ITGA8: variants seen among roughly 807,000 people sequenced by gnomAD.
ITGA8 encodes the protein integrin alpha-8.
A neutral mutation model predicts 142.3 loss-of-function variants in ITGA8; 91 were observed. That is an observed-to-expected ratio of 0.64 (90% confidence interval 0.54 to 0.76). The LOEUF is 0.76. ITGA8 is among the 30% of genes least tolerant of loss of function. ITGA8 has a pLI of 0.00. For missense variants in ITGA8, 1,406 were observed against 1,327.7 expected (o/e 1.06, Z -0.92); for synonymous variants, 505 against 485.2 (o/e 1.04, Z -0.54).
chr10:15,562,982 T>C (rs1182502055), intron 25 of ITGA8, among the ~76,000 whole-genome samples: 5 of 152,194 alleles, frequency 3.3e-5, no homozygotes, highest in African/African-American at 1.2e-4. Context: ...GGCCATCCCA[T>C]TGGCGCTAAG....
At chr10:15,536,632 C>T (rs1166391896) in intron 27 of ITGA8, among the ~76,000 whole-genome samples, 1 of 152,208 alleles carries the variant, frequency 6.6e-6, no homozygotes, top group Non-Finnish European at 1.5e-5. Context: ...GGATTGAAAA[C>T]CCAGCTGGGG....
chr10:15,530,921 T>C (rs563943892), intron 28 of ITGA8, 129 bp downstream of exon 28: 8 of 547,610 alleles, frequency 1.5e-5, no homozygotes, highest in African/African-American at 6.0e-5. Flanking sequence ...ATGTAAGAAA[T>C]TGGTGAGCTG....
intron 25 of ITGA8, among the ~76,000 whole-genome samples, chr10:15,559,252 A>G (rs1564351297): frequency 6.6e-6 from 1 of 152,064 alleles, no homozygotes; most frequent in East Asian, 1.9e-4. Flanking sequence ...CTGACCAAGA[A>G]CCCAAGGTCC....
At chr10:15,603,327 CA>C (rs1027582218) in intron 20 of ITGA8, among the ~76,000 whole-genome samples, 1 of 152,088 alleles carries the variant, frequency 6.6e-6, no homozygotes, top group African/African-American at 2.4e-5. Context: ...ACAAGGTCCT[CA>C]GGGGGTGTGG....
In ITGA8 at chr10:15,671,660, A is replaced by C; in HGVS notation, c.803-13T>G. On this transcript the variant is annotated splice_polypyrimidine_tract_variant and intron_variant, in intron 7 of 29. Transcript: ENST00000378076. ...GCAACTGAGTATCCTGTTTTAAAGA[A>C]AAAGAAACAAACTAATCACACTTAA... The C allele has an allele frequency of 6.2e-7, 1 of 1,604,492 alleles. No homozygotes were observed. Among genetic ancestry groups the C allele is most frequent in the African/African-American group, 1.3e-5 (1 of 74,906 alleles).
At chr10:15,706,287 A>G (rs897666511) in intron 2 of ITGA8, among the ~76,000 whole-genome samples, 1 of 152,088 alleles carries the variant, frequency 6.6e-6, no homozygotes, top group African/African-American at 2.4e-5. Flanking sequence ...TTTCCAAATA[A>G]AGCCCCAAAC....
chr10:15,702,510 C>G (rs534865425), intron 2 of ITGA8, among the ~76,000 whole-genome samples: 10 of 152,170 alleles, frequency 6.6e-5, no homozygotes, highest in Admixed American at 3.9e-4. Flanking sequence ...AGGCTAGTCT[C>G]GAACTCCTGA....
intron 28 of ITGA8, among the ~76,000 whole-genome samples, chr10:15,522,636 T>C (rs1028689871): frequency 6.6e-6 from 1 of 152,216 alleles, no homozygotes; most frequent in African/African-American, 2.4e-5. Flanking sequence ...ACTTTGAGCA[T>C]GTGTCAGAGC....
intron 5 of ITGA8, among the ~76,000 whole-genome samples, chr10:15,678,500 C>T (rs1478787527): frequency 2.0e-5 from 3 of 152,084 alleles, no homozygotes; most frequent in African/African-American, 7.2e-5. Context: ...GTCTATTTCT[C>T]TACTATTTAA....
Position 15,719,597 on chromosome 10 carries a change from A to G in ITGA8, c.175T>C (p.Tyr59His). 6.4e-7 allele frequency: 1 copy of G among 1,561,854 alleles called. No individual in the cohort carries two copies. Among genetic ancestry groups the G allele is most frequent in the Non-Finnish European group, 8.6e-7 (1 of 1,161,756 alleles). Residue 59 changes from tyrosine (Y) to histidine (H), a missense_variant, in exon 1 of 30, where the codon TAC becomes CAC. By Grantham distance (83) the Tyr-to-His change is moderately conservative (BLOSUM62 2). Transcript: ENST00000378076. The part of the protein sequence containing the change: ...YSGPKGSYFG[Y>H]AVDFHIPDAR... ...TCGGGTATGTGGAAGTCCACGGCGT[A>G]GCCGAAGTAGCTGCCCTTGGGGCCG...
At chr10:15,676,194 C>T (rs919366182) in intron 6 of ITGA8, among the ~76,000 whole-genome samples, 9 of 152,152 alleles carry the variant, frequency 5.9e-5, no homozygotes, top group Non-Finnish European at 1.3e-4. Context: ...GCACGTGGTC[C>T]CTCTTCTCTT....
chr10:15,624,915 C>T (rs1833554603), intron 13 of ITGA8, among the ~76,000 whole-genome samples: 1 of 152,158 alleles, frequency 6.6e-6, no homozygotes, highest in African/African-American at 2.4e-5. Context: ...AAGTGTCTGG[C>T]ATTGCAAACA....
intron 26 of ITGA8, among the ~76,000 whole-genome samples, chr10:15,556,190 A>T (rs1484070970): frequency 6.6e-6 from 1 of 150,860 alleles, no homozygotes; most frequent in African/African-American, 2.4e-5. Flanking sequence ...CCACGCCCAG[A>T]TAATTTTTTT....
intron 28 of ITGA8, among the ~76,000 whole-genome samples, chr10:15,525,467 A>G (rs1304396019): frequency 6.6e-6 from 1 of 151,652 alleles, no homozygotes; most frequent in African/African-American, 2.4e-5. Flanking sequence ...ACATGATGAA[A>G]CCCCATCTCT....
chr10:15,597,249 C>G lies in ITGA8; in HGVS notation c.2169G>C (p.Met723Ile). ...CEYKMENVTR[M>I]VVCDLGNPMV... ...TAGGGTTCCCAAGGTCACACACCACCATCCTGGTTACATTTTCCATCTTGT... is the reference window on the plus strand; with the variant it reads ...TAGGGTTCCCAAGGTCACACACCACGATCCTGGTTACATTTTCCATCTTGT... The change falls in exon 21 of 30, where the codon ATG becomes ATC. Residue 723 changes from methionine (M) to isoleucine (I), a missense_variant. Physicochemically the swap from Met to Ile is conservative, Grantham distance 10. Transcript: ENST00000378076. 1.2e-6 allele frequency: 2 copies of G among 1,614,058 alleles called. No individual in the cohort carries two copies. The highest frequency in any genetic ancestry group is 1.7e-6 in the Non-Finnish European group (2 of 1,179,980).
chr10:15,674,986 A>T (rs1313736275), intron 6 of ITGA8, among the ~76,000 whole-genome samples: 1 of 151,992 alleles, frequency 6.6e-6, no homozygotes, highest in Non-Finnish European at 1.5e-5. Context: ...TTTCTCAATG[A>T]CTTTTAAACA....
chr10:15,621,360 A>G (rs1236287658), intron 13 of ITGA8, among the ~76,000 whole-genome samples: 1 of 152,182 alleles, frequency 6.6e-6, no homozygotes, highest in Non-Finnish European at 1.5e-5. Flanking sequence ...GGACATTGGC[A>G]TGAATGCAGG....
chr10:15,714,180 C>A (rs565546728), intron 2 of ITGA8, among the ~76,000 whole-genome samples: 2 of 152,308 alleles, frequency 1.3e-5, no homozygotes, highest in South Asian at 4.1e-4. Flanking sequence ...TTGCAATTTG[C>A]TCTTCATTAT....
intron 24 of ITGA8, among the ~76,000 whole-genome samples, chr10:15,574,583 G>T (rs1320787038): frequency 1.3e-5 from 2 of 151,984 alleles, no homozygotes; most frequent in Non-Finnish European, 1.5e-5. Context: ...TAGGGATGGG[G>T]TTTGACCATG....
Sources: allele counts gnomAD v4.1 joint callset (sites outside exome capture counted in the v4.1 genomes callset), GRCh38; gene constraint gnomAD v4.1.1; transcripts MANE v1.5; gene names NCBI Gene and HGNC (gene_info 2026-07-23, HGNC 2026-07-21).